Variants in CPA6 observed in about 807,000 individuals in gnomAD.
CPA6 encodes carboxypeptidase A6.
CPA6 carries 58 observed loss-of-function variants against 63.3 expected under a neutral mutation model. The observed-to-expected ratio is 0.92, with a 90% CI of 0.74 to 1.14. The LOEUF is 1.14. Among genes scored for constraint, CPA6 ranks in the 50% most tolerant of loss-of-function variants. The pLI is 0.00. For synonymous variants in CPA6, 185 were observed against 179.0 expected (o/e 1.03, Z -0.27); for missense variants, 565 against 526.6 (o/e 1.07, Z -0.71).
chr8:67,470,393 T>C (rs1811032154), intron 8 of CPA6, among the ~76,000 whole-genome samples: 1 of 152,178 alleles, frequency 6.6e-6, no homozygotes, highest in Admixed American at 6.5e-5. Context: ...ATATATGCCA[T>C]CCCAGTTACA....
intron 1 of CPA6, among the ~76,000 whole-genome samples, chr8:67,639,808 G>A (rs1338412180): frequency 1.3e-5 from 2 of 151,550 alleles, no homozygotes; most frequent in Admixed American, 6.6e-5. Flanking sequence ...AATGAGGTAC[G>A]CAGACAAGTG....
At position 67,512,280 on chromosome 8, in the gene CPA6, C is replaced by T. The variant is rs182182200; in HGVS notation, c.318-625G>A. On this transcript the variant is annotated intron_variant, in intron 3 of 10. Coordinates refer to ENST00000297770, the MANE Select transcript of CPA6 (RefSeq NM_020361.5). ...CTGCTGCTTCTTCCTGCACACATCC[C>T]TTCCATCACCAAGAGACTATGCTCA... Among the ~76,000 whole-genome samples the T allele has an allele frequency of 7.6e-3, 1,160 of 152,280 alleles. 10 individuals carry two copies. The highest frequency in any genetic ancestry group is 0.027 in the Middle Eastern group (8 of 294).
At chr8:67,645,702 T>C (rs578140350) in intron 1 of CPA6, among the ~76,000 whole-genome samples, 3 of 152,362 alleles carry the variant, frequency 2.0e-5, no homozygotes, top group Non-Finnish European at 2.9e-5. Context: ...AATACCTTTT[T>C]GTCAAATATT....
At chr8:67,612,519 A>T (rs1814837868) in intron 2 of CPA6, among the ~76,000 whole-genome samples, 1 of 152,194 alleles carries the variant, frequency 6.6e-6, no homozygotes, top group African/African-American at 2.4e-5. Flanking sequence ...GCTGATTCTT[A>T]GCCCAGATCA....
intron 8 of CPA6, among the ~76,000 whole-genome samples, chr8:67,459,393 T>C (rs1299666156): frequency 6.6e-6 from 1 of 152,192 alleles, no homozygotes; most frequent in Non-Finnish European, 1.5e-5. Context: ...AACAGATGAA[T>C]GAACTGTGGT....
chr8:67,587,580 A>G (rs577615837), intron 2 of CPA6, among the ~76,000 whole-genome samples: 54 of 152,088 alleles, frequency 3.6e-4, no homozygotes, highest in African/African-American at 1.3e-3. Flanking sequence ...TCATTGGTAT[A>G]TGGTTAGTGT....
intron 2 of CPA6, among the ~76,000 whole-genome samples, chr8:67,622,941 T>C (rs917117839): frequency 3.3e-5 from 5 of 152,222 alleles, no homozygotes; most frequent in African/African-American, 1.2e-4. Context: ...CTTCTCATCG[T>C]AACTTTTAGG....
At chr8:67,689,424 T>C (rs1816773027) in intron 1 of CPA6, among the ~76,000 whole-genome samples, 1 of 152,136 alleles carries the variant, frequency 6.6e-6, no homozygotes, top group Non-Finnish European at 1.5e-5. Flanking sequence ...TCAGCCCACC[T>C]CTACCTCCAC....
chr8:67,616,408 T>A (rs1814948515), intron 2 of CPA6, among the ~76,000 whole-genome samples: 1 of 151,952 alleles, frequency 6.6e-6, no homozygotes, highest in South Asian at 2.1e-4. Flanking sequence ...AGGCTAAAGA[T>A]GATCAGGGCC....
At chr8:67,485,188 C>T (rs764226745) in intron 6 of CPA6, among the ~76,000 whole-genome samples, 6 of 152,120 alleles carry the variant, frequency 3.9e-5, no homozygotes, top group African/African-American at 7.2e-5. Flanking sequence ...TAGCACAGAC[C>T]AGCTGCATGT....
intron 2 of CPA6, among the ~76,000 whole-genome samples, chr8:67,586,030 G>A (rs551266198): frequency 6.6e-6 from 1 of 152,228 alleles, no homozygotes; most frequent in Admixed American, 6.5e-5. Flanking sequence ...TTATAGGGGT[G>A]ACCGCACCTG....
intron 1 of CPA6, among the ~76,000 whole-genome samples, chr8:67,700,972 T>G (rs1817011665): frequency 6.6e-6 from 1 of 152,138 alleles, no homozygotes; most frequent in Non-Finnish European, 1.5e-5. Flanking sequence ...ATAAATATAT[T>G]CTATGACTTT....
intron 1 of CPA6, among the ~76,000 whole-genome samples, chr8:67,720,473 C>T (rs1817474492): frequency 6.6e-6 from 1 of 152,146 alleles, no homozygotes; most frequent in Admixed American, 6.5e-5. Context: ...CATAGCTAAG[C>T]CATGAAAATG....
At chr8:67,729,604 G>A (rs561578906) in intron 1 of CPA6, among the ~76,000 whole-genome samples, 4 of 152,218 alleles carry the variant, frequency 2.6e-5, no homozygotes, top group Admixed American at 6.5e-5. Flanking sequence ...CTACTGCAGA[G>A]CATTCTGAGT....
intron 8 of CPA6, among the ~76,000 whole-genome samples, chr8:67,436,961 C>G (rs1228125351): frequency 1.3e-5 from 2 of 152,116 alleles, no homozygotes; most frequent in Non-Finnish European, 2.9e-5. Context: ...ATCTTGAGGA[C>G]CGTAAGTGTA....
intron 8 of CPA6, among the ~76,000 whole-genome samples, chr8:67,480,192 G>C (rs147509222): frequency 2.6e-5 from 4 of 152,020 alleles, no homozygotes; most frequent in African/African-American, 9.7e-5. Flanking sequence ...TAGCTGTATT[G>C]CTTTATAATC....
At chr8:67,687,305 G>A (rs1238873193) in intron 1 of CPA6, among the ~76,000 whole-genome samples, 1 of 152,112 alleles carries the variant, frequency 6.6e-6, no homozygotes, top group Admixed American at 6.5e-5. Flanking sequence ...ATACCTTGTT[G>A]CAGGATGATA....
chr8:67,573,407 A>T (rs962308749), intron 2 of CPA6, among the ~76,000 whole-genome samples: 3 of 152,244 alleles, frequency 2.0e-5, no homozygotes, highest in African/African-American at 2.4e-5. Context: ...TAGAACTGAT[A>T]TACAAATTCA....
rs113757279 is a variant in CPA6, at chr8:67,634,251, G to C, written c.117-10000C>G. ...TGTTTTTTTTTTGAGACGGAGTCTC[G>C]CTCTGTCGCCCAGGCTGGAGTGCAG... is the stretch of plus-strand genomic sequence containing the variant. On this transcript the variant is annotated intron_variant, in intron 1 of 10. Transcript: ENST00000297770. 6.1e-3 allele frequency among the ~76,000 whole-genome samples: 887 copies of C among 145,588 alleles called. 45 individuals carry two copies. The highest frequency in any genetic ancestry group is 0.022 in the African/African-American group (828 of 38,280).
Sources: gnomAD v4.1 joint callset for allele counts (sites outside exome capture counted in the v4.1 genomes callset) on GRCh38, gnomAD v4.1.1 for gene constraint, MANE v1.5 for transcripts, NCBI Gene and HGNC (gene_info 2026-07-23, HGNC 2026-07-21) for gene names.